The following THSD7A variants were observed in gnomAD, a reference collection of about 807,000 sequenced individuals.
THSD7A encodes the protein thrombospondin type-1 domain-containing protein 7A.
In THSD7A, 96 loss-of-function variants were observed where a neutral mutation model predicts 231.3. That is an observed-to-expected ratio of 0.41 (90% CI 0.35 to 0.49). The LOEUF (loss-of-function observed/expected upper bound fraction) is 0.49, where lower values mean the gene tolerates loss of function less well. Ranked by LOEUF, THSD7A falls within the 20% of genes least tolerant of loss-of-function variation. THSD7A has a pLI of 0.05. For synonymous variants in THSD7A, 940 were observed against 743.3 expected (o/e 1.26, Z -4.30); for missense variants, 2,290 against 2,070.2 (o/e 1.11, Z -2.06).
At chr7:11,707,099 T>A (rs527454179) in intron 1 of THSD7A, among the ~76,000 whole-genome samples, 1 of 150,920 alleles carries the variant, frequency 6.6e-6, no homozygotes, top group African/African-American at 2.4e-5. Context: ...AACTAAGGGC[T>A]CATATTGAAT....
intron 1 of THSD7A, among the ~76,000 whole-genome samples, chr7:11,767,145 A>C (rs1328669444): frequency 6.6e-6 from 1 of 152,186 alleles, no homozygotes; most frequent in Non-Finnish European, 1.5e-5. Context: ...TCATGAACAT[A>C]AGGAGAAGTA....
intron 4 of THSD7A, among the ~76,000 whole-genome samples, chr7:11,580,057 T>A (rs911830330): frequency 3.3e-5 from 5 of 152,160 alleles, no homozygotes; most frequent in East Asian, 1.9e-4. Context: ...CTGTTTTTTT[T>A]AAAATAACAT....
intron 4 of THSD7A, among the ~76,000 whole-genome samples, chr7:11,552,519 C>G (rs1789674175): frequency 6.6e-6 from 1 of 152,166 alleles, no homozygotes; most frequent in African/African-American, 2.4e-5. Context: ...TAAATAAAGG[C>G]TCAAGGAAGT....
Position 11,370,626 on chromosome 7 carries a change from T to C in THSD7A, c.*5168A>G, listed in dbSNP as rs1782015922. Reference sequence around the variant, plus strand: ...CATTTTGTGCGTTAAAAAGGAAATGTACATAATGTAAAATAAATTACATTA... The same window carrying C: ...CATTTTGTGCGTTAAAAAGGAAATGCACATAATGTAAAATAAATTACATTA... On this transcript the variant is annotated 3_prime_UTR_variant, in exon 28 of 28. Coordinates refer to ENST00000423059, the MANE Select transcript of THSD7A (RefSeq NM_015204.3). The C allele has an allele frequency of 6.6e-6, 1 of 152,172 alleles. No individual in the cohort carries two copies. Among genetic ancestry groups the C allele is most frequent in the Non-Finnish European group, 1.5e-5 (1 of 68,018 alleles). 9.4% of individuals were successfully genotyped at this position (152,172 alleles called of 1,614,324 possible).
intron 2 of THSD7A, among the ~76,000 whole-genome samples, chr7:11,601,543 A>G (rs572901039): frequency 1.3e-5 from 2 of 152,212 alleles, no homozygotes; most frequent in South Asian, 2.1e-4. Flanking sequence ...CTCTTGTGGG[A>G]AATAAAGCTT....
At chr7:11,701,340 C>T (rs758109684) in intron 1 of THSD7A, among the ~76,000 whole-genome samples, 4 of 151,128 alleles carry the variant, frequency 2.6e-5, no homozygotes, top group South Asian at 4.1e-4. Flanking sequence ...CTTTCTTTAA[C>T]GATGTGAAAA....
At chr7:11,778,645 A>C (rs116411379) in intron 1 of THSD7A, among the ~76,000 whole-genome samples, 1,968 of 152,252 alleles carry the variant, frequency 0.013, 45 homozygotes, top group African/African-American at 0.045. Flanking sequence ...AAGTATTAAG[A>C]TTAATATTTA....
intron 1 of THSD7A, among the ~76,000 whole-genome samples, chr7:11,658,464 G>C (rs1171396716): frequency 6.6e-6 from 1 of 151,396 alleles, no homozygotes; most frequent in Non-Finnish European, 1.5e-5. Flanking sequence ...TGGTGTTAAT[G>C]GTTGACTTAT....
chr7:11,799,015 C>T (rs1440984221), intron 1 of THSD7A, among the ~76,000 whole-genome samples: 12 of 152,006 alleles, frequency 7.9e-5, no homozygotes, highest in South Asian at 2.1e-4. Flanking sequence ...CTCTGCCTCC[C>T]GGGTTCAAGT....
chr7:11,746,345 C>G lies in THSD7A; in HGVS notation c.190+85412G>C, dbSNP rs185982193. ...ACCAACACTGGTATATTACTATTAA[C>G]TGAATTCCAGATTTTATTTGGATTT... is the stretch of plus-strand genomic sequence containing the variant. On this transcript the variant is annotated intron_variant, in intron 1 of 27. Transcript: ENST00000423059. Among the ~76,000 whole-genome samples, 29 of 152,010 alleles carry G rather than the reference C, an allele frequency of 1.9e-4. No individual in the cohort carries two copies. The East Asian group carries it at 5.4e-3, about 29-fold the overall frequency.
chr7:11,721,396 C>T (rs1211085719), intron 1 of THSD7A, among the ~76,000 whole-genome samples: 1 of 151,682 alleles, frequency 6.6e-6, no homozygotes, highest in Non-Finnish European at 1.5e-5. Context: ...TGTAGCATCT[C>T]CACTTTTGGT....
chr7:11,509,561 G>A (rs961363608), intron 6 of THSD7A, among the ~76,000 whole-genome samples: 23 of 151,660 alleles, frequency 1.5e-4, no homozygotes, highest in South Asian at 8.4e-4. Flanking sequence ...GGCCGGGCGC[G>A]GTGGCTCATG....
intron 4 of THSD7A, among the ~76,000 whole-genome samples, chr7:11,588,968 A>T (rs1249505401): frequency 6.6e-6 from 1 of 152,224 alleles, no homozygotes; most frequent in Non-Finnish European, 1.5e-5. Context: ...AGAACAATTA[A>T]ATTTTGAAAG....
chr7:11,452,805 A>G (rs1785187578), intron 11 of THSD7A, among the ~76,000 whole-genome samples: 1 of 152,026 alleles, frequency 6.6e-6, no homozygotes, highest in African/African-American at 2.4e-5. Context: ...CCCCAAATTA[A>G]CGAGGATGCT....
At chr7:11,656,964 C>T (rs1414237427) in intron 1 of THSD7A, among the ~76,000 whole-genome samples, 2 of 151,816 alleles carry the variant, frequency 1.3e-5, no homozygotes, top group Non-Finnish European at 2.9e-5. Flanking sequence ...ACAGCAAATT[C>T]TGAAGTAAAT....
chr7:11,752,336 C>T (rs1782530928), intron 1 of THSD7A, among the ~76,000 whole-genome samples: 1 of 151,998 alleles, frequency 6.6e-6, no homozygotes, highest in Non-Finnish European at 1.5e-5. Flanking sequence ...TGTACATAAG[C>T]TTGAATATGT....
chr7:11,734,614 G>A (rs1526538), intron 1 of THSD7A, among the ~76,000 whole-genome samples: 74,828 of 151,720 alleles, frequency 0.49, 20,158 homozygotes, highest in Non-Finnish European at 0.6. Context: ...TCAAACACCT[G>A]TAGTATTCTT....
At chr7:11,666,002 G>A (rs1206732405) in intron 1 of THSD7A, among the ~76,000 whole-genome samples, 1 of 152,046 alleles carries the variant, frequency 6.6e-6, no homozygotes, top group East Asian at 1.9e-4. Flanking sequence ...TAATTAGCTG[G>A]ATAACGGTGA....
Position 11,758,605 on chromosome 7 carries a change from C to T in THSD7A, c.190+73152G>A, listed in dbSNP as rs111697669. ...CTATAGGATGCCAGGACTCCCACAA[C>T]GTGAATGTATCCGTAACTACAGACA... On this transcript the variant is annotated intron_variant, in intron 1 of 27. Transcript: ENST00000423059. Among the ~76,000 whole-genome samples, 1,425 of 152,040 alleles carry T rather than the reference C, an allele frequency of 9.4e-3. 14 individuals carry two copies. Among genetic ancestry groups the T allele is most frequent in the South Asian group, 0.014 (66 of 4,822 alleles).
Sources: allele counts gnomAD v4.1 joint callset (sites outside exome capture counted in the v4.1 genomes callset), GRCh38; gene constraint gnomAD v4.1.1; transcripts MANE v1.5; gene names NCBI Gene and HGNC (gene_info 2026-07-23, HGNC 2026-07-21).